NOP53: variants seen among roughly 807,000 people sequenced by gnomAD.
NOP53 encodes the protein ribosome biogenesis protein NOP53.
A neutral mutation model predicts 61.0 loss-of-function variants in NOP53; 40 were observed. That is an observed-to-expected ratio of 0.66 (90% CI 0.51 to 0.85). The LOEUF (loss-of-function observed/expected upper bound fraction) is 0.85. Ranked by LOEUF, NOP53 falls within the 40% of genes least tolerant of loss-of-function variation. The probability of loss-of-function intolerance (pLI) is 0.00; values close to 1 mark genes in which losing one functional copy is unlikely to be tolerated. For synonymous variants in NOP53, 308 were observed against 289.5 expected (o/e 1.06, Z -0.65); for missense variants, 689 against 652.9 (o/e 1.06, Z -0.60).
At chr19:47,756,855 C>T in intron 12 of NOP53, 111 bp downstream of exon 12, 1 of 1,500,974 alleles carries the variant, frequency 6.7e-7, no homozygotes, top group South Asian at 1.1e-5. Flanking sequence ...GCCACACCCC[C>T]TTGGCCATGC....
chr19:47,748,381 C>T (rs988797045), intron 2 of NOP53, among the ~76,000 whole-genome samples: 3 of 152,012 alleles, frequency 2.0e-5, no homozygotes, highest in African/African-American at 7.3e-5. Flanking sequence ...ATAGTGTTTA[C>T]TTCAATATGT....
intron 10 of NOP53, chr19:47,756,213 C>G (rs1251437399): frequency 9.5e-6 from 5 of 528,970 alleles, no homozygotes; most frequent in Non-Finnish European, 1.7e-5. Context: ...CCGTGGGGCT[C>G]CAGCCAGTTG....
intron 2 of NOP53, 137 bp from the exon 3 acceptor site, chr19:47,750,041 A>G: frequency 3.5e-6 from 2 of 568,386 alleles, no homozygotes; most frequent in Admixed American, 5.9e-5. Context: ...ACCTCCAGGT[A>G]GGAGCCTGGG....
intron 1 of NOP53, chr19:47,746,758 CT>C: frequency 2.2e-6 from 1 of 461,814 alleles, no homozygotes; most frequent in South Asian, 2.6e-5. Context: ...CCGCCTGGGC[CT>C]CCCAAAGTGC....
rs764819835 is a variant in NOP53, at chr19:47,757,042, AAAT to A, written c.*38_*40del. 1.2e-6 allele frequency: 2 copies of A among 1,612,612 alleles called. No homozygotes were observed. Among genetic ancestry groups the A allele is most frequent in the Non-Finnish European group, 1.7e-6 (2 of 1,178,636 alleles). On this transcript the variant is annotated 3_prime_UTR_variant, in exon 13 of 13. Coordinates refer to ENST00000246802, the MANE Select transcript of NOP53 (RefSeq NM_015710.5). ...TGCCGGAGACTCGCCCTTCAATAAAAAATCTCTTCTAGCTGATCAGTGGGCTCC... is the reference window on the plus strand; with the variant it reads ...TGCCGGAGACTCGCCCTTCAATAAAACTCTTCTAGCTGATCAGTGGGCTCC...
In NOP53 at chr19:47,750,917, C is replaced by T. The variant is rs763311786; in HGVS notation, c.408C>T (p.Ala136=). 10 of 1,589,736 alleles carry T rather than the reference C, an allele frequency of 6.3e-6. No individual in the cohort carries two copies. Among genetic ancestry groups the T allele is most frequent in the Non-Finnish European group, 7.7e-6 (9 of 1,169,826 alleles). ...CCCTCTCCCCGACCAGCGTCCTCGC[C>T]CACCAGGTCCCCAACGCCAAGAAGC... is the stretch of plus-strand genomic sequence containing the variant. ...SKVPAPKDVL[A]HQVPNAKKLR... Residue 136 remains alanine (A), a synonymous_variant, in exon 4 of 13, where the codon GCC becomes GCT. Transcript: ENST00000246802.
chr19:47,754,271 C>CT lies in NOP53; in HGVS notation c.766-255dup, dbSNP rs1568599972. 5 of 476,664 alleles carry CT rather than the reference C, an allele frequency of 1.0e-5. No homozygotes were observed. Among genetic ancestry groups the CT allele is most frequent in the Non-Finnish European group, 1.9e-5 (5 of 265,272 alleles). 29.5% of individuals were successfully genotyped at this position (476,664 alleles called of 1,614,324 possible). A position where few individuals can be genotyped will look rare whatever the true frequency, so the allele number is the denominator to read the frequency against. ...CAGTCTGGGCAACAAGACAGAAACT[C>CT]TATCTCAAAAAAAAAATGTGAAGCG... On this transcript the variant is annotated intron_variant, in intron 6 of 12. Transcript: ENST00000246802. This position sits in a 1 kb window ranked among gnomAD's most constrained non-coding sequence, Gnocchi z 4.2.
At chr19:47,752,114 A>AT (rs1568599305) in intron 5 of NOP53, among the ~76,000 whole-genome samples, 3 of 151,992 alleles carry the variant, frequency 2.0e-5, no homozygotes, top group Admixed American at 6.6e-5. Context: ...TCTCAAAAAA[A>AT]AAAATAAAAT....
chr19:47,752,442 C>A, intron 5 of NOP53, 70 bp from the exon 6 acceptor site: 1 of 951,532 alleles, frequency 1.1e-6, no homozygotes, highest in Non-Finnish European at 1.7e-6. Flanking sequence ...GCATCTGCCC[C>A]ATGGCTGTGT....
At chr19:47,748,027 G>A (rs182560249) in intron 2 of NOP53, among the ~76,000 whole-genome samples, 105 of 152,046 alleles carry the variant, frequency 6.9e-4, no homozygotes, top group Middle Eastern at 6.8e-3. Flanking sequence ...TGATCCGCCC[G>A]CCTCGGCCTC....
At chr19:47,749,151 ACT>A (rs753713613) in intron 2 of NOP53, among the ~76,000 whole-genome samples, 12 of 150,188 alleles carry the variant, frequency 8.0e-5, no homozygotes, top group African/African-American at 2.0e-4. Context: ...GGGTTACAAG[ACT>A]CTGTCTCAAA....
chr19:47,756,883 A>G, intron 12 of NOP53, 116 bp from the exon 13 acceptor site: 1 of 1,535,240 alleles, frequency 6.5e-7, no homozygotes, highest in Non-Finnish European at 9.0e-7. Context: ...AGGCCCTGAA[A>G]CCAGAGCGGG....
chr19:47,745,572 G>A lies in NOP53; in HGVS notation c.13G>A (p.Gly5Ser), dbSNP rs768836011. Residue 5 changes from glycine (G) to serine (S), a missense_variant, in exon 1 of 13, where the codon GGC becomes AGC. Physicochemically the swap from Gly to Ser is moderately conservative, Grantham distance 56. Transcript: ENST00000246802. ...TTCCTTTGACAAGATGGCGGCAGGA[G>A]GCAGTGGCGTTGGTGGGAAGCGCAG... is the stretch of plus-strand genomic sequence containing the variant. MAAGGSGVGGKRSSK... is the reference protein window; with the variant it reads MAAGSSGVGGKRSSK... The A allele has an allele frequency of 1.8e-5, 29 of 1,613,670 alleles. No individual in the cohort carries two copies. Among genetic ancestry groups the A allele is most frequent in the South Asian group, 3.3e-5 (3 of 91,080 alleles).
At chr19:47,752,727 A>G (rs956093390) in intron 6 of NOP53, 120 bp downstream of exon 6, 15 of 663,746 alleles carry the variant, frequency 2.3e-5, no homozygotes, top group Non-Finnish European at 3.3e-5. Flanking sequence ...CCTGTCCGCA[A>G]CGGGGCTCAC....
Position 47,756,980 on chromosome 19 carries a change from T to C in NOP53, c.1431-19T>C. ...GGGCACCCTCTCACCCACCCTCAGC[T>C]CCTTTCCTCTGTCCCCAGGTTGTAG... On this transcript the variant is annotated intron_variant, in intron 12 of 12. Coordinates refer to ENST00000246802, the MANE Select transcript of NOP53 (RefSeq NM_015710.5). 2.5e-6 allele frequency: 4 copies of C among 1,614,006 alleles called. No homozygotes were observed. The highest frequency in any genetic ancestry group is 3.4e-6 in the Non-Finnish European group (4 of 1,179,920).
At chr19:47,756,303 C>T (rs980353044) in intron 10 of NOP53, 2 of 586,508 alleles carry the variant, frequency 3.4e-6, no homozygotes, top group Admixed American at 3.0e-5. Context: ...GTCACCAGCC[C>T]ACTTCCCGTG....
intron 2 of NOP53, among the ~76,000 whole-genome samples, chr19:47,749,811 G>A (rs1342364267): frequency 6.6e-6 from 1 of 152,006 alleles, no homozygotes; most frequent in African/African-American, 2.4e-5. Flanking sequence ...AAACTCCTGG[G>A]CTCAAGCGAT....
chr19:47,751,266 C>T, intron 4 of NOP53, 159 bp downstream of exon 4: 2 of 712,800 alleles, frequency 2.8e-6, no homozygotes, highest in Non-Finnish European at 4.7e-6. Flanking sequence ...GCGGCCGTTT[C>T]CCACTCGTGC....
chr19:47,749,870 C>T (rs1431878587), intron 2 of NOP53, among the ~76,000 whole-genome samples: 1 of 152,164 alleles, frequency 6.6e-6, no homozygotes, highest in Non-Finnish European at 1.5e-5. Context: ...CGTGAGCCAC[C>T]ATGCAGGGAA....
Sources: allele counts gnomAD v4.1 joint callset (sites outside exome capture counted in the v4.1 genomes callset), GRCh38; gene constraint gnomAD v4.1.1; non-coding constraint Gnocchi (gnomAD v3.1); transcripts MANE v1.5; gene names NCBI Gene and HGNC (gene_info 2026-07-23, HGNC 2026-07-21).